Variants in PPIL2 observed in about 807,000 individuals in gnomAD.
PPIL2 encodes RING-type E3 ubiquitin-protein ligase PPIL2.
PPIL2 carries 50 observed loss-of-function variants against 75.2 expected under a neutral mutation model. The ratio of observed to expected loss-of-function variants is 0.66; its 90% CI spans 0.53 to 0.84. PPIL2 has a LOEUF of 0.84. Ranked by LOEUF, PPIL2 falls within the 40% of genes least tolerant of loss-of-function variation. PPIL2 has a pLI of 0.00. For missense variants in PPIL2, 590 were observed against 685.0 expected, an observed-to-expected ratio of 0.86 and a Z score of 1.55; for synonymous variants, 245 against 258.8, an observed-to-expected ratio of 0.95 and a Z score of 0.51.
At chr22:21,685,421 C>T (rs554257256) in intron 10 of PPIL2, among the ~76,000 whole-genome samples, 1 of 152,152 alleles carries the variant, frequency 6.6e-6, no homozygotes, top group East Asian at 1.9e-4. Context: ...CTGGGGCTGT[C>T]GTGTTTGCTT....
chr22:21,685,330 G>C (rs1332813221), intron 10 of PPIL2, among the ~76,000 whole-genome samples: 1 of 152,180 alleles, frequency 6.6e-6, no homozygotes, highest in African/African-American at 2.4e-5. Flanking sequence ...CCAAAGCCAT[G>C]CCAGGGAGAG....
intron 9 of PPIL2, among the ~76,000 whole-genome samples, chr22:21,684,167 A>G (rs766196426): frequency 6.6e-6 from 1 of 151,266 alleles, no homozygotes; most frequent in Non-Finnish European, 1.5e-5. Flanking sequence ...AGATCTTGCA[A>G]CCGCTTTCTA....
intron 1 of PPIL2, 30 bp downstream of exon 1, chr22:21,666,161 T>A (rs1287083855): frequency 6.3e-7 from 1 of 1,599,950 alleles, no homozygotes; most frequent in African/African-American, 1.3e-5. Flanking sequence ...GGAGCGGCGC[T>A]CCACTCTGCC....
At chr22:21,684,287 T>C (rs560938164) in intron 9 of PPIL2, among the ~76,000 whole-genome samples, 1 of 115,690 alleles carries the variant, frequency 8.6e-6, no homozygotes, top group East Asian at 2.2e-4. Context: ...GGTTACAAGA[T>C]TGTAACACAA....
chr22:21,685,855 T>C, intron 10 of PPIL2: 1 of 311,362 alleles, frequency 3.2e-6, no homozygotes, highest in Admixed American at 4.5e-5. Context: ...ATGTGTTTAG[T>C]GTAGAAAGTT....
At chr22:21,668,432 C>G (rs1333251288) in intron 1 of PPIL2, among the ~76,000 whole-genome samples, 1 of 151,456 alleles carries the variant, frequency 6.6e-6, no homozygotes, top group African/African-American at 2.4e-5. Context: ...CGAGACCATC[C>G]TGGCTAACAC....
intron 4 of PPIL2, among the ~76,000 whole-genome samples, chr22:21,671,966 G>A (rs936935434): frequency 4.6e-5 from 7 of 152,104 alleles, no homozygotes; most frequent in Admixed American, 2.6e-4. Context: ...TGGGAGGATC[G>A]CTTGAGCCCA....
intron 19 of PPIL2, 81 bp from the exon 20 acceptor site, chr22:21,695,313 G>T: frequency 6.7e-6 from 10 of 1,486,034 alleles, no homozygotes; most frequent in Non-Finnish European, 9.2e-6. Flanking sequence ...GGCCTACACC[G>T]GGAGGGCTGT....
chr22:21,680,014 C>T (rs561301483), intron 6 of PPIL2, among the ~76,000 whole-genome samples: 82 of 150,892 alleles, frequency 5.4e-4, no homozygotes, highest in African/African-American at 1.9e-3. Context: ...GGCGTGAACC[C>T]GGGAGGCGGA....
rs751110330 is a variant in PPIL2, at chr22:21,681,336, C to T, written c.333C>T (p.Thr111=). ...YHCPVLFTVF[T]NNTHIVAVRT... The stretch of plus-strand genomic sequence containing the variant: ...GCCCAGTGCTGTTTACCGTGTTCAC[C>T]AACAACACCCACATCGTGGCTGTGA... The change falls in exon 7 of 20, where the codon ACC becomes ACT. Residue 111 remains threonine (T), a synonymous_variant. Transcript: ENST00000398831. The T allele has an allele frequency of 1.5e-5, 24 of 1,614,040 alleles. No individual in the cohort carries two copies. Among genetic ancestry groups the T allele is most frequent in the Admixed American group, 3.3e-5 (2 of 60,012 alleles).
intron 4 of PPIL2, 35 bp downstream of exon 4, chr22:21,671,094 T>A: frequency 6.3e-7 from 1 of 1,577,970 alleles, no homozygotes; most frequent in Non-Finnish European, 8.7e-7. Context: ...CTAACAAATG[T>A]GAGATTCTCA....
rs1269821572 is a variant in PPIL2 at position 21,669,412 on chromosome 22, CTG to C, written c.33-499_33-498del. ...AATCTTCCTGCCTTGGCCTCCCAAA[CTG>C]TTGGGATTATAGGTGTGAGCCACTG... On this transcript the variant is annotated intron_variant, in intron 1 of 19. Transcript: ENST00000398831. 3 of 448,246 alleles carry C rather than the reference CTG, an allele frequency of 6.7e-6. No individual in the cohort carries two copies. In the Admixed American group the frequency reaches 7.1e-5, roughly 11 times the overall value. 27.8% of individuals were successfully genotyped at this position (448,246 alleles called of 1,614,324 possible). A position where few individuals can be genotyped will look rare whatever the true frequency, so the allele number is the denominator to read the frequency against.
At chr22:21,681,042 G>T (rs746685777) in intron 6 of PPIL2, among the ~76,000 whole-genome samples, 7 of 152,100 alleles carry the variant, frequency 4.6e-5, no homozygotes, top group African/African-American at 1.7e-4. Flanking sequence ...TCACCCAGGG[G>T]TGGGCTGGAG....
At chr22:21,692,436 G>T (rs965045587) in intron 15 of PPIL2, among the ~76,000 whole-genome samples, 2 of 151,728 alleles carry the variant, frequency 1.3e-5, no homozygotes, top group Admixed American at 6.6e-5. Context: ...TTACAGGCGT[G>T]AGCCACTGTG....
Position 21,697,117 on chromosome 22 carries a change from G to A in PPIL2, c.*1627G>A. On this transcript the variant is annotated 3_prime_UTR_variant, in exon 20 of 20. Coordinates refer to ENST00000398831, the MANE Select transcript of PPIL2 (RefSeq NM_014337.4). ...CCCGCCAGGCACTGTCCTCCGCAAG[G>A]CCTGGTGCAGCCCTGGCAGTAACTG... 2.1e-6 allele frequency: 2 copies of A among 949,690 alleles called. 1 individual carries two copies. The highest frequency in any genetic ancestry group is 3.3e-5 in the South Asian group (2 of 60,024). 58.8% of individuals were successfully genotyped at this position (949,690 alleles called of 1,614,324 possible). A position where few individuals can be genotyped will look rare whatever the true frequency, so the allele number is the denominator to read the frequency against.
intron 15 of PPIL2, among the ~76,000 whole-genome samples, chr22:21,693,008 T>C (rs1039849253): frequency 1.3e-5 from 2 of 151,990 alleles, no homozygotes; most frequent in Non-Finnish European, 2.9e-5. Context: ...TCTCCTCGTC[T>C]CATGGCAGTG....
chr22:21,684,466 A>AAAG (rs2067264093), intron 9 of PPIL2, among the ~76,000 whole-genome samples: 1 of 149,224 alleles, frequency 6.7e-6, no homozygotes, highest in African/African-American at 2.5e-5. Context: ...AAAAAAAAAA[A>AAAG]AAAAAAAAAG....
At chr22:21,666,362 C>T (rs1051550007) in intron 1 of PPIL2, among the ~76,000 whole-genome samples, 1 of 152,192 alleles carries the variant, frequency 6.6e-6, no homozygotes, top group Admixed American at 6.5e-5. Flanking sequence ...GAGCGCAGCC[C>T]GGTTTTCCTT....
chr22:21,677,770 GTC>G (rs1271978336), intron 6 of PPIL2, among the ~76,000 whole-genome samples: 1 of 152,220 alleles, frequency 6.6e-6, no homozygotes, highest in Non-Finnish European at 1.5e-5. Context: ...AACAGGCTGT[GTC>G]TCTCCTGAAT....
Sources: gnomAD v4.1 joint callset for allele counts (sites outside exome capture counted in the v4.1 genomes callset) on GRCh38, gnomAD v4.1.1 for gene constraint, MANE v1.5 for transcripts, NCBI Gene and HGNC (gene_info 2026-07-23, HGNC 2026-07-21) for gene names.